PDE1A: variants seen among roughly 807,000 people sequenced by gnomAD.
PDE1A encodes dual specificity calcium/calmodulin-dependent 3',5'-cyclic nucleotide phosphodiesterase 1A.
PDE1A carries 35 observed loss-of-function variants against 61.7 expected under a neutral mutation model. The observed-to-expected ratio is 0.57, with a 90% CI of 0.43 to 0.75. The LOEUF is 0.75. Among genes scored for constraint, PDE1A ranks in the 30% least tolerant of loss-of-function variants. The pLI is 0.00. For synonymous variants in PDE1A, 232 were observed against 213.2 expected (o/e 1.09, Z -0.77); for missense variants, 597 against 630.6 (o/e 0.95, Z 0.57).
chr2:182,470,114 G>A (rs1003896929), intron 2 of PDE1A, among the ~76,000 whole-genome samples: 1 of 151,892 alleles, frequency 6.6e-6, no homozygotes, highest in Non-Finnish European at 1.5e-5. Context: ...GGCACTGGTA[G>A]ACTTGGTCAA....
the PDE1A span, among the ~76,000 whole-genome samples, chr2:182,559,386 T>C: frequency 6.6e-6 from 1 of 152,114 alleles, no homozygotes; most frequent in East Asian, 1.9e-4. Context: ...GAGAGTGTTT[T>C]TAAAACAGAA....
At chr2:182,622,228 A>G in the PDE1A span, among the ~76,000 whole-genome samples, 2 of 152,234 alleles carry the variant, frequency 1.3e-5, no homozygotes, top group Non-Finnish European at 2.9e-5. Flanking sequence ...TCTAAACCCT[A>G]GCTGCATATT....
Position 182,248,051 on chromosome 2 carries a change from G to A in PDE1A, c.168-7759C>T, listed in dbSNP as rs78007700. 5.3e-3 allele frequency among the ~76,000 whole-genome samples: 807 copies of A among 152,028 alleles called. 28 individuals are homozygous for A. The East Asian group carries it at 0.09, about 17-fold the overall frequency. On this transcript the variant is annotated intron_variant, in intron 2 of 13. Coordinates refer to ENST00000351439, the Ensembl canonical transcript of PDE1A. ...TTTTCCTTAGGAATTCTTAAAATGT[G>A]TCAAGACCAGCCTGGCCAACATGGT...
intron 2 of PDE1A, among the ~76,000 whole-genome samples, chr2:182,253,079 C>A (rs1691518798): frequency 6.6e-6 from 1 of 152,152 alleles, no homozygotes; most frequent in African/African-American, 2.4e-5. Context: ...CCTATTACCT[C>A]ATTTCATGGG....
chr2:182,253,481 T>C (rs1691553087), intron 2 of PDE1A, among the ~76,000 whole-genome samples: 1 of 152,128 alleles, frequency 6.6e-6, no homozygotes, highest in Non-Finnish European at 1.5e-5. Flanking sequence ...CAGATGTAGA[T>C]ACACCACCCA....
chr2:182,156,991 TTATTA>T (rs1213444737), intron 13 of PDE1A, among the ~76,000 whole-genome samples: 6 of 149,564 alleles, frequency 4.0e-5, no homozygotes, highest in Non-Finnish European at 8.9e-5. Context: ...TTTTTTATTA[TTATTA>T]TTATTTTATT....
the PDE1A span, among the ~76,000 whole-genome samples, chr2:182,572,269 G>T: frequency 6.6e-6 from 1 of 152,178 alleles, no homozygotes; most frequent in African/African-American, 2.4e-5. Flanking sequence ...TTTCACTAAA[G>T]AAGAATGAGG....
downstream of PDE1A, among the ~76,000 whole-genome samples, chr2:182,166,961 A>C (rs988166579): frequency 1.3e-5 from 2 of 152,174 alleles, no homozygotes; most frequent in Non-Finnish European, 2.9e-5. Context: ...GACTTTTTCC[A>C]AAAAGAAATA....
At chr2:182,497,615 G>C (rs1425416985) in intron 2 of PDE1A, among the ~76,000 whole-genome samples, 1 of 152,010 alleles carries the variant, frequency 6.6e-6, no homozygotes, top group Non-Finnish European at 1.5e-5. Flanking sequence ...TCCTCATTCC[G>C]TTCTAGAACA....
the PDE1A span, among the ~76,000 whole-genome samples, chr2:182,532,809 G>A: frequency 6.6e-6 from 1 of 151,232 alleles, no homozygotes; most frequent in Admixed American, 6.6e-5. Context: ...TTATACGGGC[G>A]CGGTGGTGGG....
chr2:182,600,565 A>C, the PDE1A span, among the ~76,000 whole-genome samples: 1 of 152,244 alleles, frequency 6.6e-6, no homozygotes, highest in Non-Finnish European at 1.5e-5. Flanking sequence ...ATGACAAAGA[A>C]GAGTTTTAAA....
chr2:182,409,634 C>T (rs1702497831), intron 1 of PDE1A, among the ~76,000 whole-genome samples: 1 of 152,064 alleles, frequency 6.6e-6, no homozygotes, highest in Non-Finnish European at 1.5e-5. Flanking sequence ...CCTGTGGGTG[C>T]CTGTTTGCTT....
chr2:182,636,762 C>A, the PDE1A span, among the ~76,000 whole-genome samples: 12 of 152,300 alleles, frequency 7.9e-5, no homozygotes, highest in East Asian at 2.3e-3. Context: ...CCCGATGAGG[C>A]TGCGCTCCTT....
At chr2:182,550,833 C>A in the PDE1A span, among the ~76,000 whole-genome samples, 2 of 152,106 alleles carry the variant, frequency 1.3e-5, no homozygotes, top group African/African-American at 4.8e-5. Flanking sequence ...CCTGTTGGAT[C>A]TTCTGTGTCC....
At chr2:182,318,565 A>G (rs1696496662) in intron 1 of PDE1A, among the ~76,000 whole-genome samples, 1 of 152,150 alleles carries the variant, frequency 6.6e-6, no homozygotes, top group Admixed American at 6.6e-5. Context: ...AAATGCTGCA[A>G]TAGTAGCATG....
intron 1 of PDE1A, among the ~76,000 whole-genome samples, chr2:182,334,923 C>T (rs917103201): frequency 6.6e-6 from 1 of 152,160 alleles, no homozygotes; most frequent in African/African-American, 2.4e-5. Flanking sequence ...GCAACTTCAG[C>T]AAAGTCTCAG....
the PDE1A span, among the ~76,000 whole-genome samples, chr2:182,682,370 A>T: frequency 1.3e-5 from 2 of 152,184 alleles, no homozygotes; most frequent in African/African-American, 4.8e-5. Context: ...GGGAAACAGT[A>T]ATTAGGCAGG....
intron 1 of PDE1A, among the ~76,000 whole-genome samples, chr2:182,309,586 C>CA (rs1293608403): frequency 2.6e-5 from 4 of 151,960 alleles, no homozygotes; most frequent in African/African-American, 4.8e-5. Flanking sequence ...GATCTCTAAT[C>CA]AAAAAATATC....
chr2:182,403,831 C>T (rs1344463973), intron 1 of PDE1A, among the ~76,000 whole-genome samples: 1 of 151,738 alleles, frequency 6.6e-6, no homozygotes, highest in Non-Finnish European at 1.5e-5. Flanking sequence ...TGGGTCCTGT[C>T]AGGGGGTGGG....
Sources: gnomAD v4.1 joint callset for allele counts (sites outside exome capture counted in the v4.1 genomes callset) on GRCh38, gnomAD v4.1.1 for gene constraint, MANE v1.5 for transcripts, NCBI Gene and HGNC (gene_info 2026-07-23, HGNC 2026-07-21) for gene names.